The following EPS8 variants were observed in gnomAD, a reference collection of about 807,000 sequenced individuals.
EPS8 encodes the protein epidermal growth factor receptor kinase substrate 8.
Under a neutral mutation model 103.8 loss-of-function variants are expected in EPS8, and 42 were observed. The ratio of observed to expected loss-of-function variants is 0.40; its 90% CI spans 0.32 to 0.52. The LOEUF (loss-of-function observed/expected upper bound fraction) is 0.52. Among genes scored for constraint, EPS8 ranks in the 20% least tolerant of loss-of-function variants. The probability of loss-of-function intolerance (pLI) is 0.40; values close to 1 mark genes in which losing one functional copy is unlikely to be tolerated. For synonymous variants in EPS8, 344 were observed against 344.6 expected (o/e 1.00, Z 0.02); for missense variants, 969 against 1,005.1 (o/e 0.96, Z 0.49).
intron 14 of EPS8, among the ~76,000 whole-genome samples, chr12:15,650,101 C>T (rs1036663676): frequency 2.0e-5 from 3 of 152,156 alleles, no homozygotes; most frequent in Non-Finnish European, 4.4e-5. Flanking sequence ...AAACAGCATA[C>T]TCAATTTCAT....
intron 6 of EPS8, among the ~76,000 whole-genome samples, chr12:15,668,027 C>G (rs944429298): frequency 3.9e-5 from 6 of 152,074 alleles, no homozygotes; most frequent in Non-Finnish European, 5.9e-5. Flanking sequence ...AAATGTTTTT[C>G]AACTTAGGCC....
chr12:15,747,968 C>T lies in EPS8; in HGVS notation c.-22+41193G>A, dbSNP rs946887761. ...CCGGGAGGCGGAGATTGCAGTGAGC[C>T]GAGATCACACCACTGCACTCCAGCC... On this transcript the variant is annotated intron_variant, in intron 1 of 20. Transcript: ENST00000281172. This position sits in a 1 kb window ranked among gnomAD's most constrained non-coding sequence, Gnocchi z 4.4. 6.6e-6 allele frequency among the ~76,000 whole-genome samples: 1 copy of T among 151,470 alleles called. No homozygotes were observed. The highest frequency in any genetic ancestry group is 1.5e-5 in the Non-Finnish European group (1 of 67,860).
chr12:15,742,751 T>G (rs113352192), intron 1 of EPS8, among the ~76,000 whole-genome samples: 4,525 of 152,238 alleles, frequency 0.03, 196 homozygotes, highest in African/African-American at 0.098. Flanking sequence ...AGGTATTGAT[T>G]GGATGTATCT....
At chr12:15,650,578 G>T (rs934972673) in intron 14 of EPS8, among the ~76,000 whole-genome samples, 1 of 152,078 alleles carries the variant, frequency 6.6e-6, no homozygotes, top group Non-Finnish European at 1.5e-5. Flanking sequence ...ACAAGGGGAG[G>T]GGTGGGGGCT....
rs553721971 is a variant in EPS8 at position 15,632,947 on chromosome 12, C to T, written c.1822-1283G>A. Among the ~76,000 whole-genome samples the T allele has an allele frequency of 4.6e-5, 7 of 151,942 alleles. No individual in the cohort carries two copies. The South Asian group carries it at 1.0e-3, about 23-fold the overall frequency. On this transcript the variant is annotated intron_variant, in intron 17 of 20. Coordinates refer to ENST00000281172, the MANE Select transcript of EPS8 (RefSeq NM_004447.6). ...GGGATGGGGTCAAGGAAGTGGGAAG[C>T]GTATTATGAAAGGATGGAAGTATAT...
intron 18 of EPS8, among the ~76,000 whole-genome samples, chr12:15,630,926 T>G (rs1041076821): frequency 6.6e-6 from 1 of 152,260 alleles, no homozygotes; most frequent in East Asian, 1.9e-4. Flanking sequence ...CCCCCCAGTT[T>G]TGACAACCAA....
At chr12:15,763,183 G>GT (rs779321998) in intron 1 of EPS8, among the ~76,000 whole-genome samples, 2 of 151,878 alleles carry the variant, frequency 1.3e-5, no homozygotes, top group Non-Finnish European at 2.9e-5. Flanking sequence ...GCTTGTTGTT[G>GT]TTTTTTTTCC....
At chr12:15,754,616 C>A (rs1263438982) in intron 1 of EPS8, among the ~76,000 whole-genome samples, 1 of 152,220 alleles carries the variant, frequency 6.6e-6, no homozygotes, top group Non-Finnish European at 1.5e-5. Context: ...AGAGAACTCT[C>A]AAACCCTTTT....
rs776823939 is a variant in EPS8, at chr12:15,704,076, G to A, written c.-21-21104C>T. ...AGAAAGTTCATTGTAAAATTCCAAA[G>A]ACTGTAAGAATAGAGGGTTTTCCTG... is the stretch of plus-strand genomic sequence containing the variant. On this transcript the variant is annotated intron_variant, in intron 1 of 20. Transcript: ENST00000281172. This position sits in a 1 kb window ranked among gnomAD's most constrained non-coding sequence, Gnocchi z 4.6. Among the ~76,000 whole-genome samples, 1 of 151,978 alleles carries A rather than the reference G, an allele frequency of 6.6e-6. No homozygotes were observed. The highest frequency in any genetic ancestry group is 2.4e-5 in the African/African-American group (1 of 41,370).
intron 18 of EPS8, among the ~76,000 whole-genome samples, chr12:15,627,862 G>C (rs1197272218): frequency 6.6e-6 from 1 of 152,126 alleles, no homozygotes; most frequent in Non-Finnish European, 1.5e-5. Context: ...CAAGAAATAA[G>C]AACAATCTAA....
intron 1 of EPS8, among the ~76,000 whole-genome samples, chr12:15,692,096 CG>C (rs1387161431): frequency 6.6e-6 from 1 of 152,148 alleles, no homozygotes; most frequent in Non-Finnish European, 1.5e-5. Flanking sequence ...ATCCCCTTCA[CG>C]TTCCCCCTGT....
chr12:15,708,947 G>A (rs1946424544), intron 1 of EPS8, among the ~76,000 whole-genome samples: 1 of 152,176 alleles, frequency 6.6e-6, no homozygotes, highest in Non-Finnish European at 1.5e-5. Context: ...CTTAGCTGCA[G>A]CCTTAATTGT....
Position 15,716,416 on chromosome 12 carries a change from T to C in EPS8, c.-21-33444A>G, listed in dbSNP as rs901139784. On this transcript the variant is annotated intron_variant, in intron 1 of 20. Coordinates refer to ENST00000281172, the MANE Select transcript of EPS8 (RefSeq NM_004447.6). The surrounding 1 kb of genome is among the most constrained non-coding windows in gnomAD (Gnocchi z 5.0). ...TTGTCCAAATATTAAAAAAATGGCA[T>C]GGACTGAAACCATCCATAGTCATTC... Among the ~76,000 whole-genome samples the C allele has an allele frequency of 6.6e-6, 1 of 152,166 alleles. No homozygotes were observed. Among genetic ancestry groups the C allele is most frequent in the African/African-American group, 2.4e-5 (1 of 41,448 alleles).
At chr12:15,765,597 A>C (rs1253102423) in intron 1 of EPS8, among the ~76,000 whole-genome samples, 2 of 152,138 alleles carry the variant, frequency 1.3e-5, no homozygotes. Flanking sequence ...TGAGATACTG[A>C]AATTATTGGG....
intron 1 of EPS8, among the ~76,000 whole-genome samples, chr12:15,750,563 T>C (rs1946921441): frequency 1.3e-5 from 2 of 152,258 alleles, no homozygotes; most frequent in East Asian, 3.9e-4. Flanking sequence ...AAGAGATGAA[T>C]CTGACACCTG....
chr12:15,676,122 A>T (rs1341899747), intron 3 of EPS8, among the ~76,000 whole-genome samples: 1 of 151,784 alleles, frequency 6.6e-6, no homozygotes, highest in Non-Finnish European at 1.5e-5. Flanking sequence ...AATACAAAAA[A>T]ATTAGCCAGG....
chr12:15,721,575 C>G lies in EPS8; in HGVS notation c.-21-38603G>C, dbSNP rs1234705967. On this transcript the variant is annotated intron_variant, in intron 1 of 20. Transcript: ENST00000281172. The surrounding 1 kb of genome is among the most constrained non-coding windows in gnomAD (Gnocchi z 4.4). ...CTCTCCAGTTAGAAGGCACACTGCT[C>G]TACATCTCAGCCCATCAGTTTTCCT... Among the ~76,000 whole-genome samples, 1 of 152,184 alleles carries G rather than the reference C, an allele frequency of 6.6e-6. No individual in the cohort carries two copies. Among genetic ancestry groups the G allele is most frequent in the Non-Finnish European group, 1.5e-5 (1 of 68,028 alleles).
intron 17 of EPS8, among the ~76,000 whole-genome samples, chr12:15,640,476 C>T (rs1453671559): frequency 6.6e-6 from 1 of 152,094 alleles, no homozygotes; most frequent in Non-Finnish European, 1.5e-5. Context: ...GAATCAGGTA[C>T]CTACTGCTAA....
intron 17 of EPS8, among the ~76,000 whole-genome samples, chr12:15,635,519 T>A (rs902380863): frequency 6.6e-6 from 1 of 152,224 alleles, no homozygotes; most frequent in Non-Finnish European, 1.5e-5. Flanking sequence ...ATCGTCACTC[T>A]ATCCAGCAGT....
Sources: allele counts gnomAD v4.1 joint callset (sites outside exome capture counted in the v4.1 genomes callset), GRCh38; gene constraint gnomAD v4.1.1; non-coding constraint Gnocchi (gnomAD v3.1); transcripts MANE v1.5; gene names NCBI Gene and HGNC (gene_info 2026-07-23, HGNC 2026-07-21).